The following PLPP4 variants were observed in gnomAD, a reference collection of about 807,000 sequenced individuals.
PLPP4 encodes diacylglycerol pyrophosphate like 2.
A neutral mutation model predicts 32.2 loss-of-function variants in PLPP4; 20 were observed. That is an observed-to-expected ratio of 0.62 (90% CI 0.44 to 0.90). PLPP4 has a LOEUF of 0.90. Among genes scored for constraint, PLPP4 ranks in the 40% least tolerant of loss-of-function variants. The pLI is 0.00. For missense variants in PLPP4, 257 were observed against 353.1 expected, an observed-to-expected ratio of 0.73 and a Z score of 2.18; for synonymous variants, 127 against 133.0, an observed-to-expected ratio of 0.95 and a Z score of 0.31.
chr10:120,551,244 G>T (rs1389904214), intron 5 of PLPP4, among the ~76,000 whole-genome samples: 2 of 152,154 alleles, frequency 1.3e-5, no homozygotes, highest in African/African-American at 2.4e-5. Flanking sequence ...ATGTTGATGG[G>T]TATGGATTTA....
intron 1 of PLPP4, among the ~76,000 whole-genome samples, chr10:120,492,191 G>A (rs1033300339): frequency 8.5e-5 from 13 of 152,240 alleles, no homozygotes; most frequent in African/African-American, 3.1e-4. Context: ...TCTGTCAGCT[G>A]CTGCACCCAG....
At chr10:120,551,484 T>A (rs1445710050) in intron 5 of PLPP4, among the ~76,000 whole-genome samples, 1 of 152,126 alleles carries the variant, frequency 6.6e-6, no homozygotes, top group Non-Finnish European at 1.5e-5. Flanking sequence ...CCAAAGTTAA[T>A]CAATAGGAGA....
At chr10:120,568,103 G>T (rs181759323) in intron 5 of PLPP4, among the ~76,000 whole-genome samples, 141 of 152,300 alleles carry the variant, frequency 9.3e-4, no homozygotes, top group African/African-American at 3.2e-3. Flanking sequence ...GCTTAGCTCG[G>T]GACAGTAGCT....
rs1217959169 is a variant in PLPP4 at position 120,591,056 on chromosome 10, A to G, written c.*1554A>G. On this transcript the variant is annotated 3_prime_UTR_variant, in exon 7 of 7. Coordinates refer to ENST00000398250, the MANE Select transcript of PLPP4 (RefSeq NM_001030059.3). ...AGTGCTGGGATTATAAGCGTGAGCC[A>G]CTGCACCTGGCCAAGAGTGTTGCTT... Among the ~76,000 whole-genome samples, 1 of 152,176 alleles carries G rather than the reference A, an allele frequency of 6.6e-6. No homozygotes were observed. Among genetic ancestry groups the G allele is most frequent in the African/African-American group, 2.4e-5 (1 of 41,446 alleles).
chr10:120,515,288 C>A (rs1014640789), intron 3 of PLPP4, among the ~76,000 whole-genome samples: 2 of 152,232 alleles, frequency 1.3e-5, no homozygotes, highest in Admixed American at 6.5e-5. Flanking sequence ...TCCCTCTTGG[C>A]TCATGACCAC....
chr10:120,555,459 G>A (rs1848115866), intron 5 of PLPP4, among the ~76,000 whole-genome samples: 1 of 152,200 alleles, frequency 6.6e-6, no homozygotes, highest in Non-Finnish European at 1.5e-5. Context: ...CATCTGGAAA[G>A]ACTGAACAGA....
At chr10:120,499,015 T>C (rs1251534038) in intron 1 of PLPP4, among the ~76,000 whole-genome samples, 1 of 152,226 alleles carries the variant, frequency 6.6e-6, no homozygotes, top group Non-Finnish European at 1.5e-5. Context: ...AAAGGCACTC[T>C]GCATCCTTGG....
chr10:120,517,453 T>G (rs1436683176), intron 3 of PLPP4, among the ~76,000 whole-genome samples: 1 of 152,224 alleles, frequency 6.6e-6, no homozygotes, highest in Non-Finnish European at 1.5e-5. Context: ...AGGATCTGTG[T>G]GTTCAGAATG....
At chr10:120,519,705 G>A (rs1471622156) in intron 4 of PLPP4, among the ~76,000 whole-genome samples, 1 of 152,076 alleles carries the variant, frequency 6.6e-6, no homozygotes, top group African/African-American at 2.4e-5. Flanking sequence ...AGCTGTTCTG[G>A]TAGACTGCTT....
chr10:120,483,045 A>G (rs549820088), intron 1 of PLPP4, among the ~76,000 whole-genome samples: 7 of 152,320 alleles, frequency 4.6e-5, no homozygotes, highest in African/African-American at 1.4e-4. Flanking sequence ...AATAAAGCAG[A>G]CAGAAGAAAG....
chr10:120,476,176 G>A (rs970832890), intron 1 of PLPP4, among the ~76,000 whole-genome samples: 1 of 152,202 alleles, frequency 6.6e-6, no homozygotes, highest in Non-Finnish European at 1.5e-5. Context: ...GGGAGTGGAG[G>A]ACATCAGGGA....
chr10:120,525,328 CA>C (rs1165123765), intron 5 of PLPP4, among the ~76,000 whole-genome samples: 1 of 152,208 alleles, frequency 6.6e-6, no homozygotes, highest in Non-Finnish European at 1.5e-5. Context: ...AAATTGTGCA[CA>C]TGAATGTTTC....
At chr10:120,492,701 C>T (rs1359577371) in intron 1 of PLPP4, among the ~76,000 whole-genome samples, 4 of 152,178 alleles carry the variant, frequency 2.6e-5, no homozygotes, top group Non-Finnish European at 5.9e-5. Context: ...TGGCTGCCAG[C>T]CCTTGTACTT....
At chr10:120,570,187 G>A (rs1017204686) in intron 5 of PLPP4, among the ~76,000 whole-genome samples, 5 of 152,010 alleles carry the variant, frequency 3.3e-5, no homozygotes, top group African/African-American at 1.2e-4. Flanking sequence ...ATGCTCCTCT[G>A]CCTGCTCTGC....
intron 5 of PLPP4, among the ~76,000 whole-genome samples, chr10:120,531,369 G>C (rs2133936839): frequency 6.6e-6 from 1 of 152,194 alleles, no homozygotes; most frequent in South Asian, 2.1e-4. Flanking sequence ...CTCCTAAAGT[G>C]CTGGGATTAC....
chr10:120,541,388 C>T (rs535808623), intron 5 of PLPP4, among the ~76,000 whole-genome samples: 5 of 152,198 alleles, frequency 3.3e-5, no homozygotes, highest in African/African-American at 1.2e-4. Context: ...AGAAACTGAT[C>T]TCTGTCCCCA....
intron 1 of PLPP4, among the ~76,000 whole-genome samples, chr10:120,465,451 G>A (rs1848268275): frequency 6.6e-6 from 1 of 152,224 alleles, no homozygotes; most frequent in Admixed American, 6.5e-5. Flanking sequence ...GGAGGAACTA[G>A]TTGTTATTCT....
intron 5 of PLPP4, among the ~76,000 whole-genome samples, chr10:120,534,857 A>G (rs1191807245): frequency 6.6e-6 from 1 of 152,020 alleles, no homozygotes; most frequent in Non-Finnish European, 1.5e-5. Flanking sequence ...CATCCCTTCC[A>G]TCCCTTCCTG....
chr10:120,522,908 A>G (rs997831777), intron 5 of PLPP4, among the ~76,000 whole-genome samples: 1 of 152,240 alleles, frequency 6.6e-6, no homozygotes, highest in Non-Finnish European at 1.5e-5. Flanking sequence ...AAGGAAAAGT[A>G]AAAGGATCTT....
Sources: allele counts gnomAD v4.1 joint callset (sites outside exome capture counted in the v4.1 genomes callset), GRCh38; gene constraint gnomAD v4.1.1; transcripts MANE v1.5; gene names NCBI Gene and HGNC (gene_info 2026-07-23, HGNC 2026-07-21).